CNGA1: variants seen among roughly 807,000 people sequenced by gnomAD.
CNGA1 encodes cyclic nucleotide-gated channel alpha-1.
Under a neutral mutation model 69.7 loss-of-function variants are expected in CNGA1, and 53 were observed. That is an observed-to-expected ratio of 0.76 (90% confidence interval 0.61 to 0.96). CNGA1 has a LOEUF of 0.96. Ranked by LOEUF, CNGA1 falls within the 40% of genes least tolerant of loss-of-function variation. The pLI is 0.00. For synonymous variants in CNGA1, 249 were observed against 283.5 expected (o/e 0.88, Z 1.22); for missense variants, 739 against 811.2 (o/e 0.91, Z 1.08).
intron 6 of CNGA1, among the ~76,000 whole-genome samples, chr4:47,947,317 T>C (rs367561327): frequency 7.8e-4 from 118 of 152,216 alleles, no homozygotes; most frequent in African/African-American, 2.7e-3. Flanking sequence ...CTTGAAAGTG[T>C]GAGGTTAATT....
chr4:48,011,949 A>T (rs1715185555), intron 1 of CNGA1, among the ~76,000 whole-genome samples: 1 of 152,186 alleles, frequency 6.6e-6, no homozygotes, highest in Admixed American at 6.5e-5. Context: ...GATCTTAGTT[A>T]ATCGCTTTAG....
At chr4:47,970,443 G>A (rs1740952887) in intron 3 of CNGA1, among the ~76,000 whole-genome samples, 2 of 151,954 alleles carry the variant, frequency 1.3e-5, no homozygotes, top group South Asian at 4.2e-4. Flanking sequence ...CTGAGGTCGG[G>A]ATTTCGAGGC....
At chr4:47,954,160 A>T (rs1275043195) in intron 3 of CNGA1, among the ~76,000 whole-genome samples, 1 of 152,102 alleles carries the variant, frequency 6.6e-6, no homozygotes, top group East Asian at 1.9e-4. Flanking sequence ...GCGTCTGAAC[A>T]TCAAGAGGAG....
intron 1 of CNGA1, chr4:48,012,960 A>C (rs6836669): frequency 0.48 from 72,188 of 151,898 alleles, 17,742 homozygotes; most frequent in Non-Finnish European, 0.52. Flanking sequence ...CAAAACAAAA[A>C]AAAAAACACT....
chr4:47,971,162 CTA>C (rs1285703274), intron 3 of CNGA1: 1 of 416,404 alleles, frequency 2.4e-6, no homozygotes, highest in African/African-American at 2.9e-5. Flanking sequence ...ATGTAAATAT[CTA>C]TATTTGTGTG....
chr4:47,968,771 G>C (rs1740860064), intron 3 of CNGA1, among the ~76,000 whole-genome samples: 1 of 152,072 alleles, frequency 6.6e-6, no homozygotes, highest in African/African-American at 2.4e-5. Context: ...TGGGTAAGTA[G>C]GATTTATCAG....
chr4:48,007,218 C>A (rs2109352543), intron 2 of CNGA1, among the ~76,000 whole-genome samples: 1 of 152,190 alleles, frequency 6.6e-6, no homozygotes, highest in Non-Finnish European at 1.5e-5. Context: ...CTTCCATAAG[C>A]CTTTTATAAC....
intron 2 of CNGA1, among the ~76,000 whole-genome samples, chr4:47,989,153 C>T (rs981962058): frequency 2.0e-5 from 3 of 152,056 alleles, no homozygotes; most frequent in South Asian, 2.1e-4. Context: ...GGTCAAGTTA[C>T]GTCCTTCATG....
rs1185349642 is a variant in CNGA1 at position 47,942,109 on chromosome 4, G to C, written c.477C>G (p.Asn159Lys). 10 of 1,613,542 alleles carry C rather than the reference G, an allele frequency of 6.2e-6. No homozygotes were observed. Among genetic ancestry groups the C allele is most frequent in the Non-Finnish European group, 6.8e-6 (8 of 1,179,750 alleles). Residue 159 changes from asparagine to lysine, a missense_variant, in exon 9 of 11, where the codon AAC becomes AAG. Asn to Lys is a moderately conservative substitution (Grantham distance 94). Transcript: ENST00000514170. ...TGCAAAACAGCCAGTTGTAATATGT[G>C]TTTCCCGAGGGATCAATAACCACAA... ...KEVVVIDPSGNTYYNWLFCIT... is the reference protein window; with the variant it reads ...KEVVVIDPSGKTYYNWLFCIT...
In CNGA1 at chr4:47,936,789, C is replaced by T. The variant is rs1221266964; in HGVS notation, c.1693G>A (p.Gly565Ser). 1.9e-6 allele frequency: 3 copies of T among 1,614,074 alleles called. No homozygotes were observed. Among genetic ancestry groups the T allele is most frequent in the East Asian group, 2.2e-5 (1 of 44,882 alleles). The part of the protein sequence containing the change: ...NRRTANIKSI[G>S]YSDLFCLSKD... ...GAGAGACAGAACAGGTCTGAGTAGC[C>T]AATACTTTTAATATTGGCCGTTCTT... Residue 565 changes from glycine (G) to serine (S), a missense_variant, in exon 11 of 11, where the codon GGC becomes AGC. Gly to Ser is a moderately conservative substitution (Grantham distance 56, BLOSUM62 0). Transcript: ENST00000514170.
At chr4:48,012,128 T>C (rs963373314) in intron 1 of CNGA1, among the ~76,000 whole-genome samples, 1 of 152,190 alleles carries the variant, frequency 6.6e-6, no homozygotes, top group Non-Finnish European at 1.5e-5. Flanking sequence ...CATAATGCTA[T>C]GTCAGAGTCA....
At chr4:47,971,820 G>C (rs1007513007) in intron 3 of CNGA1, among the ~76,000 whole-genome samples, 4 of 152,138 alleles carry the variant, frequency 2.6e-5, no homozygotes, top group Non-Finnish European at 5.9e-5. Context: ...CTTGAACCTG[G>C]GAGGTGGAGG....
intron 1 of CNGA1, among the ~76,000 whole-genome samples, chr4:48,013,596 G>A (rs1000308894): frequency 3.8e-4 from 58 of 152,204 alleles, no homozygotes; most frequent in African/African-American, 1.3e-3. Flanking sequence ...CAAAGGAGGC[G>A]ATCAGATATG....
chr4:47,952,368 AAAAT>A (rs10665658), intron 4 of CNGA1, among the ~76,000 whole-genome samples: 39,538 of 144,378 alleles, frequency 0.27, 6,016 homozygotes, highest in Admixed American at 0.38. Flanking sequence ...ACTCCATCTC[AAAAT>A]AAATAAATAA....
chr4:48,015,156 C>T (rs1715326923), intron 1 of CNGA1, among the ~76,000 whole-genome samples: 1 of 152,070 alleles, frequency 6.6e-6, no homozygotes, highest in Non-Finnish European at 1.5e-5. Context: ...CCAGCCTGGG[C>T]GACAGAGCGA....
At chr4:47,947,483 C>G (rs1262712357) in intron 6 of CNGA1, among the ~76,000 whole-genome samples, 1 of 152,024 alleles carries the variant, frequency 6.6e-6, no homozygotes, top group East Asian at 1.9e-4. Context: ...AGAGACCAGC[C>G]TGGCCAACAT....
At position 47,962,878 on chromosome 4, in the gene CNGA1, G is replaced by A. The variant is rs138559367; in HGVS notation, c.-14-10175C>T. Among the ~76,000 whole-genome samples, 69 of 152,164 alleles carry A rather than the reference G, an allele frequency of 4.5e-4. No homozygotes were observed. In the South Asian group the frequency reaches 0.012, roughly 27 times the overall value. On this transcript the variant is annotated intron_variant, in intron 3 of 10. Coordinates refer to ENST00000514170, the MANE Select transcript of CNGA1 (RefSeq NM_001379270.1). ...AGAGAAAAAATAAACCAAAGACTAC[G>A]TATATTATCTGTTTAAGCAAACAAC...
chr4:47,965,951 G>A (rs565680327), intron 3 of CNGA1, among the ~76,000 whole-genome samples: 6 of 152,200 alleles, frequency 3.9e-5, no homozygotes, highest in South Asian at 2.1e-4. Flanking sequence ...TAGGGACTTC[G>A]TTGCTTTACT....
chr4:47,975,482 C>A (rs1028818565), intron 3 of CNGA1, among the ~76,000 whole-genome samples: 2 of 152,116 alleles, frequency 1.3e-5, no homozygotes, highest in Admixed American at 6.6e-5. Flanking sequence ...AATCAAAAGT[C>A]AATTAACTAA....
Sources: gnomAD v4.1 joint callset for allele counts (sites outside exome capture counted in the v4.1 genomes callset) on GRCh38, gnomAD v4.1.1 for gene constraint, MANE v1.5 for transcripts, NCBI Gene and HGNC (gene_info 2026-07-23, HGNC 2026-07-21) for gene names.